Variants in MCC observed in about 807,000 individuals in gnomAD.
MCC encodes MCC regulator of Wnt signaling pathway, also known as colorectal mutant cancer protein.
Under a neutral mutation model 116.2 loss-of-function variants are expected in MCC, and 90 were observed. The ratio of observed to expected loss-of-function variants is 0.77; its 90% confidence interval spans 0.65 to 0.92. The LOEUF (loss-of-function observed/expected upper bound fraction) is 0.92. Ranked by LOEUF, MCC falls within the 40% of genes least tolerant of loss-of-function variation. The pLI is 0.00. For synonymous variants in MCC, 578 were observed against 510.5 expected, an observed-to-expected ratio of 1.13 and a Z score of -1.78; for missense variants, 1,516 against 1,312.2, an observed-to-expected ratio of 1.16 and a Z score of -2.40.
intron 17 of MCC, among the ~76,000 whole-genome samples, chr5:113,034,509 T>A (rs911239384): frequency 6.6e-6 from 1 of 152,214 alleles, no homozygotes; most frequent in African/African-American, 2.4e-5. Flanking sequence ...GAGAGCCCAG[T>A]CTCAATGAGG....
chr5:113,195,790 G>A (rs1412495377), intron 3 of MCC, among the ~76,000 whole-genome samples: 1 of 152,102 alleles, frequency 6.6e-6, no homozygotes, highest in African/African-American at 2.4e-5. Flanking sequence ...AAAAATCTTT[G>A]GTGGCAGTGC....
intron 3 of MCC, among the ~76,000 whole-genome samples, chr5:113,316,718 T>C (rs1240555379): frequency 2.0e-5 from 3 of 152,298 alleles, no homozygotes; most frequent in Non-Finnish European, 4.4e-5. Context: ...GCTCTGAACA[T>C]ATGCTAGCTT....
chr5:113,438,291 T>A (rs1216468293), intron 1 of MCC, among the ~76,000 whole-genome samples: 1 of 152,120 alleles, frequency 6.6e-6, no homozygotes, highest in Non-Finnish European at 1.5e-5. Context: ...TATCAAGGGT[T>A]CCATCTGCCG....
intron 1 of MCC, among the ~76,000 whole-genome samples, chr5:113,412,623 T>C (rs560456892): frequency 1.3e-4 from 20 of 152,346 alleles, no homozygotes; most frequent in Admixed American, 1.1e-3. Context: ...ACTGATTTTG[T>C]ATACTGAGAC....
chr5:113,292,539 A>G (rs1204446997), intron 3 of MCC, among the ~76,000 whole-genome samples: 3 of 152,228 alleles, frequency 2.0e-5, no homozygotes, highest in Non-Finnish European at 1.5e-5. Context: ...TTTGCCTACA[A>G]GCTTTATAGG....
intron 3 of MCC, among the ~76,000 whole-genome samples, chr5:113,324,908 C>A (rs1581400065): frequency 6.6e-6 from 1 of 151,456 alleles, no homozygotes; most frequent in African/African-American, 2.4e-5. Flanking sequence ...TCATAGCTCA[C>A]TGCAGCCTCA....
chr5:113,042,134 T>C (rs570456341), intron 17 of MCC, among the ~76,000 whole-genome samples: 11 of 151,200 alleles, frequency 7.3e-5, no homozygotes, highest in Non-Finnish European at 1.5e-4. Flanking sequence ...ATGAAAAGAA[T>C]TACATGTGAA....
chr5:113,111,245 G>A (rs1757075671), intron 6 of MCC, among the ~76,000 whole-genome samples: 1 of 152,144 alleles, frequency 6.6e-6, no homozygotes, highest in Non-Finnish European at 1.5e-5. Flanking sequence ...TTCCCAGCTG[G>A]GGCCACTGTC....
At chr5:113,391,093 C>A (rs9326885) in intron 1 of MCC, among the ~76,000 whole-genome samples, 2 of 151,844 alleles carry the variant, frequency 1.3e-5, no homozygotes, top group East Asian at 1.9e-4. Context: ...TTGCTTCTTA[C>A]GAAATAAGTA....
At chr5:113,042,420 A>G (rs951889758) in intron 17 of MCC, among the ~76,000 whole-genome samples, 1 of 140,562 alleles carries the variant, frequency 7.1e-6, no homozygotes, top group African/African-American at 2.7e-5. Flanking sequence ...GGCTGCAGTG[A>G]GCTGTGATTG....
chr5:113,373,873 A>C (rs1181036097), intron 2 of MCC, among the ~76,000 whole-genome samples: 2 of 151,764 alleles, frequency 1.3e-5, no homozygotes, highest in Non-Finnish European at 2.9e-5. Context: ...TTCCCTATAC[A>C]TGCTAAGTTG....
rs1341985890 is a variant in MCC at position 113,147,700 on chromosome 5, T to C, written c.741+3609A>G. 2.0e-5 allele frequency among the ~76,000 whole-genome samples: 3 copies of C among 152,136 alleles called. No homozygotes were observed. In the South Asian group the frequency reaches 6.2e-4, roughly 32 times the overall value. ...CCAGGTTCGCTCGCTAAGGGGAAAGTGGACCAGCTAAACAAAGAGGCACCA... is the reference window on the plus strand; with the variant it reads ...CCAGGTTCGCTCGCTAAGGGGAAAGCGGACCAGCTAAACAAAGAGGCACCA... On this transcript the variant is annotated intron_variant, in intron 4 of 18. Coordinates refer to ENST00000408903, the MANE Select transcript of MCC (RefSeq NM_001085377.2).
intron 3 of MCC, among the ~76,000 whole-genome samples, chr5:113,272,836 A>G (rs759224194): frequency 2.0e-5 from 3 of 152,194 alleles, no homozygotes; most frequent in Non-Finnish European, 4.4e-5. Context: ...GGTTCCCTTT[A>G]CTTTGCTGTC....
chr5:113,253,680 A>G (rs575504171), intron 3 of MCC, among the ~76,000 whole-genome samples: 2 of 152,272 alleles, frequency 1.3e-5, no homozygotes, highest in South Asian at 2.1e-4. Flanking sequence ...AAAGCTGGGG[A>G]AAAAAGATAA....
intron 3 of MCC, among the ~76,000 whole-genome samples, chr5:113,207,705 C>T (rs1444651930): frequency 1.3e-5 from 2 of 152,182 alleles, no homozygotes; most frequent in Non-Finnish European, 2.9e-5. Flanking sequence ...AAATTATACT[C>T]ACACACCTTT....
At chr5:113,144,103 G>A (rs925555200) in intron 4 of MCC, among the ~76,000 whole-genome samples, 3 of 152,156 alleles carry the variant, frequency 2.0e-5, no homozygotes, top group African/African-American at 4.8e-5. Flanking sequence ...AATGGATGAC[G>A]ATATATCATC....
At chr5:113,358,198 A>G (rs1320750751) in intron 2 of MCC, among the ~76,000 whole-genome samples, 1 of 152,200 alleles carries the variant, frequency 6.6e-6, no homozygotes, top group African/African-American at 2.4e-5. Flanking sequence ...TTCTCTGAGT[A>G]TGGAATATTC....
intron 2 of MCC, among the ~76,000 whole-genome samples, chr5:113,351,393 A>G (rs1768264149): frequency 6.6e-6 from 1 of 152,196 alleles, no homozygotes; most frequent in African/African-American, 2.4e-5. Context: ...TTGCAACAAC[A>G]TGGATGGAAC....
intron 12 of MCC, 128 bp downstream of exon 12, chr5:113,070,966 G>C: frequency 1.0e-6 from 1 of 971,828 alleles, no homozygotes; most frequent in Non-Finnish European, 1.5e-6. Flanking sequence ...TGTCCAAACC[G>C]CCAGATATGC....
Sources: allele counts gnomAD v4.1 joint callset (sites outside exome capture counted in the v4.1 genomes callset), GRCh38; gene constraint gnomAD v4.1.1; transcripts MANE v1.5; gene names NCBI Gene and HGNC (gene_info 2026-07-23, HGNC 2026-07-21).